The following SPIDR variants were observed in gnomAD, a reference collection of about 807,000 sequenced individuals.
The protein encoded by SPIDR is scaffold protein involved in DNA repair.
SPIDR carries 93 observed loss-of-function variants against 104.6 expected under a neutral mutation model. The observed-to-expected ratio is 0.89, with a 90% CI of 0.75 to 1.06. The LOEUF (loss-of-function observed/expected upper bound fraction) is 1.06, where lower values mean the gene tolerates loss of function less well. Ranked by LOEUF, SPIDR falls within the 50% of genes least tolerant of loss-of-function variation. The pLI is 0.00. For synonymous variants in SPIDR, 431 were observed against 416.9 expected, an observed-to-expected ratio of 1.03 and a Z score of -0.41; for missense variants, 1,154 against 1,111.2, an observed-to-expected ratio of 1.04 and a Z score of -0.55.
chr8:47,514,378 C>T (rs2082804419), intron 8 of SPIDR, among the ~76,000 whole-genome samples: 1 of 152,196 alleles, frequency 6.6e-6, no homozygotes, highest in Non-Finnish European at 1.5e-5. Context: ...CAAACATGCA[C>T]TCACTGCTCT....
chr8:47,578,137 A>G (rs2059331175), intron 8 of SPIDR, among the ~76,000 whole-genome samples: 1 of 152,240 alleles, frequency 6.6e-6, no homozygotes, highest in African/African-American at 2.4e-5. Flanking sequence ...GTTAATACAT[A>G]CATTTGAATC....
At chr8:47,548,765 GTTTA>G (rs373965764) in intron 8 of SPIDR, among the ~76,000 whole-genome samples, 1 of 152,104 alleles carries the variant, frequency 6.6e-6, no homozygotes, top group East Asian at 1.9e-4. Context: ...TCCTCTTTGT[GTTTA>G]TTTATTTATT....
At position 47,279,980 on chromosome 8, in the gene SPIDR, G is replaced by T. The variant is rs2037388982; in HGVS notation, c.152G>T (p.Arg51Met). The change falls in exon 2 of 20, where the codon AGG (arginine) becomes ATG (methionine). Residue 51 changes from arginine to methionine, a missense_variant. Physicochemically the swap from Arg to Met is moderately conservative, Grantham distance 91 (BLOSUM62 -1). Coordinates refer to ENST00000297423, the MANE Select transcript of SPIDR (RefSeq NM_001080394.4). ...GCCTCTCTCTCTGAAGCATGGCTCA[G>T]GTGTGGAGAAGGGTTTCAGAACACT... ...AAASLSEAWLRCGEGFQNTSG... is the reference protein window; with the variant it reads ...AAASLSEAWLMCGEGFQNTSG... 6.8e-6 allele frequency: 11 copies of T among 1,614,162 alleles called. No homozygotes were observed. The highest frequency in any genetic ancestry group is 8.5e-6 in the Non-Finnish European group (10 of 1,180,002).
chr8:47,297,041 A>G (rs943475865), intron 5 of SPIDR, among the ~76,000 whole-genome samples: 83 of 152,294 alleles, frequency 5.4e-4, no homozygotes, highest in African/African-American at 1.8e-3. Context: ...CTTCATTCTT[A>G]GAATAGAGAA....
chr8:47,617,404 G>A lies in SPIDR; in HGVS notation c.1544+18208G>A, dbSNP rs117815834. 2.8e-3 allele frequency among the ~76,000 whole-genome samples: 432 copies of A among 152,254 alleles called. 1 individual carries two copies. The highest frequency in any genetic ancestry group is 5.0e-3 in the Non-Finnish European group (340 of 68,020). On this transcript the variant is annotated intron_variant, in intron 10 of 19. Coordinates refer to ENST00000297423, the MANE Select transcript of SPIDR (RefSeq NM_001080394.4). ...TTCTGAGTAGTCTTTGAAGTCAACT[G>A]TTATTCATGTTTGTTTCAGGATTAA...
chr8:47,482,260 G>C (rs1201769964), intron 8 of SPIDR, among the ~76,000 whole-genome samples: 6 of 151,816 alleles, frequency 4.0e-5, no homozygotes, highest in African/African-American at 1.5e-4. Flanking sequence ...TTCCATTTCT[G>C]ACCTAATCCC....
At chr8:47,602,194 A>G (rs2062382411) in intron 10 of SPIDR, among the ~76,000 whole-genome samples, 1 of 152,192 alleles carries the variant, frequency 6.6e-6, no homozygotes, top group African/African-American at 2.4e-5. Flanking sequence ...CAGCTTCCTG[A>G]TCATAGATGA....
Position 47,673,732 on chromosome 8 carries a change from A to T in SPIDR, c.1545-69A>T. 1.9e-6 allele frequency: 3 copies of T among 1,603,870 alleles called. No individual in the cohort carries two copies. The Admixed American group carries it at 5.0e-5, about 27-fold the overall frequency. On this transcript the variant is annotated intron_variant, in intron 10 of 19. Coordinates refer to ENST00000297423, the MANE Select transcript of SPIDR (RefSeq NM_001080394.4). ...ATATAGTGGCTTTATAATGAAGAAG[A>T]GGGAAATCTTGATCTCTGTATTAAT...
intron 5 of SPIDR, among the ~76,000 whole-genome samples, chr8:47,379,811 G>T (rs2059114895): frequency 6.6e-6 from 1 of 152,180 alleles, no homozygotes; most frequent in African/African-American, 2.4e-5. Context: ...TGTTGCCTTT[G>T]CTCCTTGTGG....
At chr8:47,336,645 A>C (rs1437741168) in intron 5 of SPIDR, among the ~76,000 whole-genome samples, 2 of 152,230 alleles carry the variant, frequency 1.3e-5, no homozygotes, top group Admixed American at 1.3e-4. Flanking sequence ...CCTGAGGAAG[A>C]AACTCAGAGC....
At position 47,590,297 on chromosome 8, in the gene SPIDR, G is replaced by A. The variant is rs756456157; in HGVS notation, c.1098-5514G>A. 7.2e-4 allele frequency among the ~76,000 whole-genome samples: 110 copies of A among 151,844 alleles called. 1 individual carries two copies. The highest frequency in any genetic ancestry group is 1.5e-4 in the Non-Finnish European group (10 of 67,988). ...GAGACTTTTTTCTTTTTTAATGTAA[G>A]CTTTAAGTTCTGTAAAATTTCCTCT... On this transcript the variant is annotated intron_variant, in intron 8 of 19. Coordinates refer to ENST00000297423, the MANE Select transcript of SPIDR (RefSeq NM_001080394.4).
At chr8:47,662,367 T>A (rs2074259916) in intron 10 of SPIDR, among the ~76,000 whole-genome samples, 2 of 152,354 alleles carry the variant, frequency 1.3e-5, no homozygotes, top group Admixed American at 1.3e-4. Context: ...AGTTGAATTT[T>A]ATGTAAAGTC....
chr8:47,684,412 A>G (rs1167231108), intron 11 of SPIDR, among the ~76,000 whole-genome samples: 1 of 152,154 alleles, frequency 6.6e-6, no homozygotes, highest in African/African-American at 2.4e-5. Flanking sequence ...CTGATCACTG[A>G]GGGGAGAAGC....
intron 8 of SPIDR, among the ~76,000 whole-genome samples, chr8:47,463,121 G>A (rs2074213672): frequency 6.6e-6 from 1 of 152,110 alleles, no homozygotes; most frequent in African/African-American, 2.4e-5. Flanking sequence ...CACTTTGGGA[G>A]GCTGAGGCAA....
chr8:47,727,840 TG>T (rs2084512294), intron 17 of SPIDR, among the ~76,000 whole-genome samples: 1 of 152,186 alleles, frequency 6.6e-6, no homozygotes, highest in Non-Finnish European at 1.5e-5. Flanking sequence ...GCAAAGAGAC[TG>T]GGCATGGTGG....
intron 16 of SPIDR, among the ~76,000 whole-genome samples, chr8:47,721,704 T>C (rs1005250693): frequency 6.6e-6 from 1 of 152,152 alleles, no homozygotes; most frequent in African/African-American, 2.4e-5. Context: ...CTCAATCTCC[T>C]GACCTCGTGA....
At chr8:47,277,480 T>C (rs1191226564) in intron 1 of SPIDR, among the ~76,000 whole-genome samples, 1 of 150,974 alleles carries the variant, frequency 6.6e-6, no homozygotes, top group Non-Finnish European at 1.5e-5. Context: ...ATTGTCTCGC[T>C]TCAGCCTCCT....
intron 5 of SPIDR, among the ~76,000 whole-genome samples, chr8:47,365,631 T>A (rs2057052749): frequency 6.6e-6 from 1 of 152,204 alleles, no homozygotes; most frequent in South Asian, 2.1e-4. Flanking sequence ...CTTCTTGACC[T>A]TTTTCCTAGA....
chr8:47,545,364 C>T lies in SPIDR; in HGVS notation c.1098-50447C>T, dbSNP rs183461045. 1.2e-3 allele frequency among the ~76,000 whole-genome samples: 180 copies of T among 151,820 alleles called. 1 individual carries two copies. The highest frequency in any genetic ancestry group is 0.01 in the Middle Eastern group (3 of 292). ...GATTACAGGTGTGAGCCACTGTGCC[C>T]GGCCTTTTTTTCTTTCTTTTTCTAA... On this transcript the variant is annotated intron_variant, in intron 8 of 19. Transcript: ENST00000297423.
Sources: allele counts gnomAD v4.1 joint callset (sites outside exome capture counted in the v4.1 genomes callset), GRCh38; gene constraint gnomAD v4.1.1; transcripts MANE v1.5; gene names NCBI Gene and HGNC (gene_info 2026-07-23, HGNC 2026-07-21).